MPPED2: variants seen among roughly 807,000 people sequenced by gnomAD.
MPPED2 encodes metallophosphoesterase domain containing 2.
A neutral mutation model predicts 33.0 loss-of-function variants in MPPED2; 5 were observed. The ratio of observed to expected loss-of-function variants is 0.15; its 90% CI spans 0.08 to 0.32. The LOEUF is 0.32. Among genes scored for constraint, MPPED2 ranks in the 10% least tolerant of loss-of-function variants. MPPED2 has a pLI of 1.00. For missense variants in MPPED2, 275 were observed against 372.1 expected, an observed-to-expected ratio of 0.74 and a Z score of 2.15; for synonymous variants, 136 against 141.9, an observed-to-expected ratio of 0.96 and a Z score of 0.29.
intron 2 of MPPED2, among the ~76,000 whole-genome samples, chr11:30,549,871 AAGTT>A (rs1474931118): frequency 2.0e-5 from 3 of 152,194 alleles, no homozygotes; most frequent in African/African-American, 7.2e-5. Flanking sequence ...CCACGTGAGA[AAGTT>A]AGCCTTGAAA....
intron 4 of MPPED2, among the ~76,000 whole-genome samples, chr11:30,440,363 C>A (rs1160665806): frequency 6.6e-6 from 1 of 151,988 alleles, no homozygotes; most frequent in Non-Finnish European, 1.5e-5. Context: ...TGGGACACAG[C>A]TATACCTATT....
intron 4 of MPPED2, among the ~76,000 whole-genome samples, chr11:30,470,617 C>T (rs1304735190): frequency 6.6e-6 from 1 of 152,122 alleles, no homozygotes; most frequent in Non-Finnish European, 1.5e-5. Context: ...TATATCTCTA[C>T]AAAACTTTTT....
At chr11:30,577,491 A>G (rs1956981100) in intron 2 of MPPED2, among the ~76,000 whole-genome samples, 1 of 152,228 alleles carries the variant, frequency 6.6e-6, no homozygotes, top group Non-Finnish European at 1.5e-5. Flanking sequence ...CCTCGGGGAG[A>G]GGAGCAAAGT....
chr11:30,469,538 C>T (rs1659607310), intron 4 of MPPED2, among the ~76,000 whole-genome samples: 1 of 152,134 alleles, frequency 6.6e-6, no homozygotes, highest in Non-Finnish European at 1.5e-5. Flanking sequence ...TCCTACTTCT[C>T]CAATTAAGTA....
intron 4 of MPPED2, among the ~76,000 whole-genome samples, chr11:30,485,890 T>C (rs1005114362): frequency 1.3e-5 from 2 of 152,090 alleles, no homozygotes; most frequent in Non-Finnish European, 2.9e-5. Context: ...GCAGGGGGCT[T>C]CTCCTGTATG....
intron 4 of MPPED2, chr11:30,451,551 G>T: frequency 6.3e-6 from 2 of 315,690 alleles, no homozygotes; most frequent in Non-Finnish European, 4.6e-6. Context: ...AATCTTTAGG[G>T]CCAGAAGTAC....
chr11:30,449,345 C>T (rs995447682), intron 4 of MPPED2, among the ~76,000 whole-genome samples: 1 of 152,154 alleles, frequency 6.6e-6, no homozygotes, highest in Non-Finnish European at 1.5e-5. Flanking sequence ...GAGCTGAAAG[C>T]AACGGAGAAT....
At position 30,523,969 on chromosome 11, in the gene MPPED2, G is replaced by A. The variant is rs566088472; in HGVS notation, c.310+12025C>T. Among the ~76,000 whole-genome samples the A allele has an allele frequency of 8.5e-5, 13 of 152,244 alleles. No homozygotes were observed. The South Asian group carries it at 2.7e-3, about 32-fold the overall frequency. On this transcript the variant is annotated intron_variant, in intron 3 of 6. Transcript: ENST00000358117. ...CTGTGGTCAAGAAGAGAGAACAAGG[G>A]GCTGGGCGCGGTGGCTCATGCCTGT... is the stretch of plus-strand genomic sequence containing the variant.
intron 2 of MPPED2, among the ~76,000 whole-genome samples, chr11:30,568,762 A>G (rs994279094): frequency 1.3e-5 from 2 of 152,118 alleles, no homozygotes; most frequent in South Asian, 2.1e-4. Context: ...TTTTCCCTCC[A>G]ATGGGGGGTA....
At chr11:30,504,928 G>A in intron 3 of MPPED2, 1 of 577,540 alleles carries the variant, frequency 1.7e-6, no homozygotes, top group Non-Finnish European at 2.9e-6. Flanking sequence ...TGAAAGCCCG[G>A]TGGTCCACTG....
intron 3 of MPPED2, among the ~76,000 whole-genome samples, chr11:30,533,841 GTATTTCC>G (rs1441067719): frequency 2.0e-4 from 31 of 152,148 alleles, no homozygotes; most frequent in Non-Finnish European, 3.8e-4. Flanking sequence ...CCTTATCATT[GTATTTCC>G]TTAGTTATGA....
chr11:30,576,045 AATT>A (rs1956916752), intron 2 of MPPED2, among the ~76,000 whole-genome samples: 1 of 152,230 alleles, frequency 6.6e-6, no homozygotes, highest in African/African-American at 2.4e-5. Flanking sequence ...TCAATGAAAA[AATT>A]ATTAATGATA....
chr11:30,467,174 G>A (rs767166933), intron 4 of MPPED2, among the ~76,000 whole-genome samples: 24 of 152,088 alleles, frequency 1.6e-4, no homozygotes, highest in Non-Finnish European at 3.2e-4. Context: ...CTGTCACTGA[G>A]GGCACAAGGC....
At chr11:30,555,953 CA>C (rs1955945228) in intron 2 of MPPED2, among the ~76,000 whole-genome samples, 1 of 152,116 alleles carries the variant, frequency 6.6e-6, no homozygotes, top group Non-Finnish European at 1.5e-5. Flanking sequence ...TTCCACAGGC[CA>C]AAGATTCCTC....
chr11:30,572,422 C>T (rs887902759), intron 2 of MPPED2, among the ~76,000 whole-genome samples: 37 of 151,890 alleles, frequency 2.4e-4, no homozygotes, highest in African/African-American at 7.7e-4. Context: ...GGAAAAAGAA[C>T]GTATTTTTAA....
chr11:30,386,925 C>T (rs1947709742), exon 7 of MPPED2: 1 of 395,154 alleles, frequency 2.5e-6, no homozygotes, highest in Non-Finnish European at 4.5e-6. Context: ...GCACTTGCCT[C>T]ATATATGCCT....
At chr11:30,486,582 C>T (rs777208739) in intron 4 of MPPED2, among the ~76,000 whole-genome samples, 2 of 152,144 alleles carry the variant, frequency 1.3e-5, no homozygotes, top group Non-Finnish European at 2.9e-5. Flanking sequence ...GCTCACAGTA[C>T]GGGAATAAGG....
intron 2 of MPPED2, among the ~76,000 whole-genome samples, chr11:30,571,155 CTT>C (rs762616097): frequency 3.6e-5 from 5 of 140,736 alleles, no homozygotes; most frequent in African/African-American, 2.6e-5. Context: ...CTTTCTTTTT[CTT>C]TTTTTTTTTT....
chr11:30,525,470 T>A (rs1239128469), intron 3 of MPPED2, among the ~76,000 whole-genome samples: 1 of 152,244 alleles, frequency 6.6e-6, no homozygotes, highest in African/African-American at 2.4e-5. Flanking sequence ...GTCACCCTTT[T>A]CAGGAAAGTG....
Sources: gnomAD v4.1 joint callset for allele counts (sites outside exome capture counted in the v4.1 genomes callset) on GRCh38, gnomAD v4.1.1 for gene constraint, MANE v1.5 for transcripts, NCBI Gene and HGNC (gene_info 2026-07-23, HGNC 2026-07-21) for gene names.